Variants in ABCD4 observed in about 807,000 individuals in gnomAD.
ABCD4 encodes the protein ATP binding cassette subfamily D member 4.
Under a neutral mutation model 86.3 loss-of-function variants are expected in ABCD4, and 53 were observed. The ratio of observed to expected loss-of-function variants is 0.61; its 90% CI spans 0.49 to 0.77. The LOEUF (loss-of-function observed/expected upper bound fraction) is 0.77, where lower values mean the gene tolerates loss of function less well. ABCD4 is among the 30% of genes least tolerant of loss of function. ABCD4 has a pLI of 0.00. For synonymous variants in ABCD4, 328 were observed against 313.6 expected, an observed-to-expected ratio of 1.05 and a Z score of -0.49; for missense variants, 757 against 764.5, an observed-to-expected ratio of 0.99 and a Z score of 0.12.
rs371651449 is a variant in ABCD4, at chr14:74,286,951, T to A, written c.1637-135A>T. ...TGCTCTGGCTTCCAGAAGCCCTGCCTCAGGGAGAAGGATGGGCCAGAGGAG... is the reference window on the plus strand; with the variant it reads ...TGCTCTGGCTTCCAGAAGCCCTGCCACAGGGAGAAGGATGGGCCAGAGGAG... On this transcript the variant is annotated intron_variant, in intron 17 of 18. Coordinates refer to ENST00000356924, the MANE Select transcript of ABCD4 (RefSeq NM_005050.4). 8.3e-5 allele frequency: 62 copies of A among 746,788 alleles called. No homozygotes were observed. In the East Asian group the frequency reaches 1.3e-3, roughly 15 times the overall value. The allele number at this position is 746,788 out of a possible 1,614,324, so 46.3% of individuals were successfully genotyped here.
In ABCD4 at chr14:74,296,356, G is replaced by A; in HGVS notation, c.519C>T (p.Tyr173=). 2 of 1,614,218 alleles carry A rather than the reference G, an allele frequency of 1.2e-6. No homozygotes were observed. Among genetic ancestry groups the A allele is most frequent in the Middle Eastern group, 1.7e-4 (1 of 6,060 alleles). ...ACCTTTGGAAGCACTGGTAAGTGTA[G>A]TAGACGAGGGTGAACGGGGAGATGA... ...KLIISPFTLV[Y]YTYQCFQSTG... The change falls in exon 5 of 19, where the codon TAC becomes TAT. Residue 173 remains tyrosine (Y), a synonymous_variant. Transcript: ENST00000356924.
chr14:74,296,112 C>T, intron 5 of ABCD4, 133 bp from the exon 6 acceptor site: 2 of 1,287,684 alleles, frequency 1.6e-6, no homozygotes, highest in Admixed American at 2.5e-5. Flanking sequence ...CCCTCTGCTC[C>T]TATGTGGGGG....
chr14:74,286,796 C>A lies in ABCD4; in HGVS notation c.1657G>T (p.Ala553Ser). ...KYAVLDEATS[A>S]LTEEVESELY... ...TCGCTCTCCACTTCCTCTGTCAGGG[C>A]ACTGGTGGCTTCATCAAGCACTGAG... Residue 553 changes from alanine (A) to serine (S), a missense_variant, in exon 18 of 19, where the codon GCC becomes TCC. By Grantham distance (99) the Ala-to-Ser change is moderately conservative. Transcript: ENST00000356924. 6.2e-7 allele frequency: 1 copy of A among 1,614,082 alleles called. No individual in the cohort carries two copies. The highest frequency in any genetic ancestry group is 8.5e-7 in the Non-Finnish European group (1 of 1,180,034).
At chr14:74,298,185 T>C (rs755827970) in intron 3 of ABCD4, 116 bp from the exon 4 acceptor site, 38 of 1,494,846 alleles carry the variant, frequency 2.5e-5, no homozygotes, top group Non-Finnish European at 3.1e-5. Flanking sequence ...TGACTCTGAT[T>C]ACTCCGTCCA....
At position 74,287,869 on chromosome 14, in the gene ABCD4, G is replaced by T; in HGVS notation, c.1577C>A (p.Pro526Gln). The T allele has an allele frequency of 1.2e-6, 2 of 1,613,042 alleles. No individual in the cohort carries two copies. The highest frequency in any genetic ancestry group is 8.5e-7 in the Non-Finnish European group (1 of 1,179,482). Residue 526 changes from proline to glutamine, a missense_variant, in exon 17 of 19, where the codon CCG (proline) becomes CAG (glutamine). Transcript: ENST00000356924. ...VDWNWYDVLS[P>Q]GEMQRLSFAR... ...AAAGGAGAGCCGTTGCATCTCCCCC[G>T]GGGACAGAACATCATACCTGAGGAA... is the stretch of plus-strand genomic sequence containing the variant.
At chr14:74,290,555 G>GGGGGAGGCACTGCTCC (rs2081222039) in intron 11 of ABCD4, 56 bp from the exon 12 acceptor site, 6 of 1,412,866 alleles carry the variant, frequency 4.2e-6, no homozygotes, top group Non-Finnish European at 5.9e-6. Flanking sequence ...GTATTGCTGT[G>GGGGGAGGCACTGCTCC]GGGGAGGCAC....
intron 14 of ABCD4, 153 bp downstream of exon 14, chr14:74,289,330 A>G (rs1187073308): frequency 6.9e-7 from 1 of 1,445,482 alleles, no homozygotes; most frequent in Non-Finnish European, 9.1e-7. Context: ...ACAGACCCCA[A>G]AACAGTCAAA....
At chr14:74,300,398 G>T in intron 1 of ABCD4, 130 bp from the exon 2 acceptor site, 1 of 648,626 alleles carries the variant, frequency 1.5e-6, no homozygotes, top group Admixed American at 2.8e-5. Context: ...TTCAAATGCT[G>T]AAGATGGTAG....
At position 74,290,044 on chromosome 14, in the gene ABCD4, C is replaced by A; in HGVS notation, c.1402G>T (p.Gly468Trp). 5 of 1,614,080 alleles carry A rather than the reference C, an allele frequency of 3.1e-6. No homozygotes were observed. Among genetic ancestry groups the A allele is most frequent in the Non-Finnish European group, 4.2e-6 (5 of 1,180,012 alleles). Residue 468 changes from glycine to tryptophan, a missense_variant, in exon 13 of 19, where the codon GGG (glycine) becomes TGG (tryptophan). By Grantham distance (184) the Gly-to-Trp change is radical (BLOSUM62 -2). Transcript: ENST00000356924. ...FLPQKPFFTDGTLREQVIYPL... is the reference protein window; with the variant it reads ...FLPQKPFFTDWTLREQVIYPL... ...AGACTGACCTGCTCCCGAAGGGTCC[C>A]GTCAGTGAAGAATGGCTTTTGTGGC...
At chr14:74,293,021 C>A (rs1041911602) in intron 8 of ABCD4, 133 bp downstream of exon 8, 13 of 1,447,932 alleles carry the variant, frequency 9.0e-6, no homozygotes, top group African/African-American at 1.4e-5. Context: ...GGCAACAGCC[C>A]CCCCTCCTCA....
At position 74,292,536 on chromosome 14, in the gene ABCD4, G is replaced by A. The variant is rs772479592; in HGVS notation, c.1028+15C>T. On this transcript the variant is annotated intron_variant, in intron 10 of 18. Transcript: ENST00000356924. ...CACTTTGCTCAGGAGCCAGAGGGGT[G>A]GGACACGGCCTCACCTGTGCGTGTA... The A allele has an allele frequency of 1.2e-6, 2 of 1,613,270 alleles. No homozygotes were observed. Among genetic ancestry groups the A allele is most frequent in the South Asian group, 2.2e-5 (2 of 91,002 alleles).
intron 13 of ABCD4, 124 bp from the exon 14 acceptor site, chr14:74,289,643 TG>T (rs1241564034): frequency 1.3e-6 from 2 of 1,492,688 alleles, no homozygotes; most frequent in Non-Finnish European, 1.8e-6. Context: ...ACGCCTGGCC[TG>T]GGTCAGATGG....
rs748252571 is a variant in ABCD4 at position 74,295,986 on chromosome 14, TAGAGAGAG to T, written c.543-15_543-8del. 6.3e-7 allele frequency: 1 copy of T among 1,597,722 alleles called. No individual in the cohort carries two copies. Among genetic ancestry groups the T allele is most frequent in the Non-Finnish European group, 8.5e-7 (1 of 1,174,840 alleles). On this transcript the variant is annotated splice_region_variant and splice_polypyrimidine_tract_variant and intron_variant, in intron 5 of 18. Transcript: ENST00000356924. Reference sequence around the variant, plus strand: ...AGGCCCGAGCCAGCCTGTGCTGAAATAGAGAGAGAGGGAGAGAAGGGAGAGGGTGTGGG... The same window carrying T: ...AGGCCCGAGCCAGCCTGTGCTGAAATAGGGAGAGAAGGGAGAGGGTGTGGG...
chr14:74,299,573 A>G lies in ABCD4; in HGVS notation c.260T>C (p.Val87Ala). The G allele has an allele frequency of 6.2e-7, 1 of 1,613,934 alleles. No homozygotes were observed. Among genetic ancestry groups the G allele is most frequent in the Non-Finnish European group, 8.5e-7 (1 of 1,179,884 alleles). ...EGFKTLTFLA[V>A]MLIVLNSTLK... Reference sequence around the variant, plus strand: ...CGTGGAGTTCAGAACAATGAGCATGACAGCCAGGAATGTCAGAGTCTTAAA... The same window carrying G: ...CGTGGAGTTCAGAACAATGAGCATGGCAGCCAGGAATGTCAGAGTCTTAAA... Residue 87 changes from valine (V) to alanine (A), a missense_variant, in exon 3 of 19, where the codon GTC becomes GCC. Coordinates refer to ENST00000356924, the MANE Select transcript of ABCD4 (RefSeq NM_005050.4).
At position 74,292,561 on chromosome 14, in the gene ABCD4, A is replaced by G; in HGVS notation, c.1018T>C (p.Tyr340His). The G allele has an allele frequency of 6.2e-7, 1 of 1,614,038 alleles. No homozygotes were observed. Among genetic ancestry groups the G allele is most frequent in the Non-Finnish European group, 8.5e-7 (1 of 1,179,988 alleles). The change falls in exon 10 of 19, where the codon TAC becomes CAC. Residue 340 changes from tyrosine to histidine, a missense_variant. Tyr to His is a moderately conservative substitution (Grantham distance 83). Transcript: ENST00000356924. ...GGGACACGGCCTCACCTGTGCGTGT[A>G]GCCAGCCACATCTGAGAGCGTCGTG... ...LSTTLSDVAGYTHRIGQLRET... is the reference protein window; with the variant it reads ...LSTTLSDVAGHTHRIGQLRET...
At chr14:74,294,892 T>G (rs1368402250) in intron 7 of ABCD4, 2 of 523,270 alleles carry the variant, frequency 3.8e-6, no homozygotes, top group Non-Finnish European at 6.8e-6. Context: ...TTCATTCATT[T>G]GACAATTTCA....
At chr14:74,301,187 T>G (rs187108120) in intron 1 of ABCD4, among the ~76,000 whole-genome samples, 2 of 122,004 alleles carry the variant, frequency 1.6e-5, no homozygotes, top group East Asian at 2.5e-4. Context: ...TGAGACAAGG[T>G]CTTGCTCTGT....
chr14:74,297,848 G>A, intron 4 of ABCD4, 82 bp downstream of exon 4: 1 of 1,510,326 alleles, frequency 6.6e-7, no homozygotes, highest in Middle Eastern at 2.3e-4. Context: ...TCTCCTTGGT[G>A]TCTGCCACCA....
In ABCD4 at chr14:74,288,974, A is replaced by T. The variant is rs55807426; in HGVS notation, c.1457-209T>A. 14,505 of 904,662 alleles carry T rather than the reference A, an allele frequency of 0.016. 1,468 individuals carry two copies. In the African/African-American group the frequency reaches 0.22, roughly 14 times the overall value. 56.0% of individuals were successfully genotyped at this position (904,662 alleles called of 1,614,324 possible). ...TAAATATACAAAAATTAGGCAGGCA[A>T]GGTGGCGTGCACCTGTAGCCCCAGC... On this transcript the variant is annotated intron_variant, in intron 14 of 18. Transcript: ENST00000356924.
Sources: gnomAD v4.1 joint callset for allele counts (sites outside exome capture counted in the v4.1 genomes callset) on GRCh38, gnomAD v4.1.1 for gene constraint, MANE v1.5 for transcripts, NCBI Gene and HGNC (gene_info 2026-07-23, HGNC 2026-07-21) for gene names.